The following CDH12 variants were observed in gnomAD, a reference collection of about 807,000 sequenced individuals.
The protein encoded by CDH12 is cadherin 12.
Under a neutral mutation model 74.1 loss-of-function variants are expected in CDH12, and 41 were observed. That is an observed-to-expected ratio of 0.55 (90% CI 0.43 to 0.72). CDH12 has a LOEUF of 0.72. CDH12 is among the 30% of genes least tolerant of loss of function. The pLI, the probability that CDH12 is intolerant of heterozygous loss-of-function variation, is 0.00. For synonymous variants in CDH12, 399 were observed against 355.0 expected (o/e 1.12, Z -1.39); for missense variants, 945 against 977.2 (o/e 0.97, Z 0.44).
chr5:21,842,996 T>C (rs1263896147), intron 7 of CDH12, among the ~76,000 whole-genome samples: 1 of 152,204 alleles, frequency 6.6e-6, no homozygotes, highest in Non-Finnish European at 1.5e-5. Flanking sequence ...ATTAAATTTA[T>C]AAGTGTGAAC....
intron 1 of CDH12, among the ~76,000 whole-genome samples, chr5:22,842,290 T>A (rs770117761): frequency 6.6e-6 from 1 of 152,062 alleles, no homozygotes; most frequent in Non-Finnish European, 1.5e-5. Flanking sequence ...GCTAAAATTA[T>A]ATATGCATAG....
chr5:22,334,062 C>T (rs187931824), intron 3 of CDH12, among the ~76,000 whole-genome samples: 8 of 152,148 alleles, frequency 5.3e-5, no homozygotes, highest in Admixed American at 2.0e-4. Context: ...CTCTTAGATC[C>T]GGAACATGAC....
chr5:22,043,342 A>C (rs189583621), intron 5 of CDH12, among the ~76,000 whole-genome samples: 1 of 152,336 alleles, frequency 6.6e-6, no homozygotes, highest in African/African-American at 2.4e-5. Context: ...AAATGACAAA[A>C]ACCATATGAT....
chr5:22,660,716 C>A lies in CDH12; in HGVS notation c.-522-155352G>T, dbSNP rs552547502. Among the ~76,000 whole-genome samples, 6 of 152,302 alleles carry A rather than the reference C, an allele frequency of 3.9e-5. No individual in the cohort carries two copies. In the East Asian group the frequency reaches 1.2e-3, roughly 29 times the overall value. On this transcript the variant is annotated intron_variant, in intron 1 of 14. Transcript: ENST00000382254. The stretch of plus-strand genomic sequence containing the variant: ...TACAGGCATGAGCCACTGCCTGGCC[C>A]AGGGTTTTATTCATGACTTTAATTT...
intron 1 of CDH12, among the ~76,000 whole-genome samples, chr5:22,570,473 A>G (rs1249142701): frequency 1.3e-5 from 2 of 152,140 alleles, no homozygotes; most frequent in Non-Finnish European, 2.9e-5. Flanking sequence ...TATCTCCCTC[A>G]GAGCTCTTGG....
chr5:22,467,730 A>G lies in CDH12; in HGVS notation c.-428+37540T>C, dbSNP rs559999477. 3.3e-5 allele frequency among the ~76,000 whole-genome samples: 5 copies of G among 152,354 alleles called. No individual in the cohort carries two copies. The South Asian group carries it at 1.0e-3, about 32-fold the overall frequency. On this transcript the variant is annotated intron_variant, in intron 2 of 14. Transcript: ENST00000382254. ...ATATCTAATATTATGTCTAAAGAAC[A>G]TCTAATGACTAAATATAACCAGTCT...
intron 3 of CDH12, among the ~76,000 whole-genome samples, chr5:22,232,863 T>TTA (rs1164062566): frequency 1.4e-3 from 208 of 147,168 alleles, no homozygotes; most frequent in African/African-American, 4.9e-3. Flanking sequence ...ATATATATAT[T>TTA]TATATATATA....
chr5:21,896,572 C>G (rs535915875), intron 6 of CDH12, among the ~76,000 whole-genome samples: 1 of 152,090 alleles, frequency 6.6e-6, no homozygotes, highest in Admixed American at 6.6e-5. Context: ...CTTGAGAGAC[C>G]GAGTGTTGTG....
At chr5:22,298,180 G>A (rs1022153689) in intron 3 of CDH12, among the ~76,000 whole-genome samples, 4 of 150,356 alleles carry the variant, frequency 2.7e-5, no homozygotes, top group South Asian at 2.1e-4. Context: ...TTTTCACTTA[G>A]CACTGGGTGT....
intron 2 of CDH12, among the ~76,000 whole-genome samples, chr5:22,432,676 G>A (rs993394881): frequency 5.9e-5 from 9 of 152,012 alleles, no homozygotes; most frequent in African/African-American, 2.2e-4. Context: ...CTCTTCTGAA[G>A]TTTTTGACAA....
At chr5:22,784,955 A>G (rs931138576) in intron 1 of CDH12, among the ~76,000 whole-genome samples, 12 of 152,178 alleles carry the variant, frequency 7.9e-5, no homozygotes, top group Admixed American at 5.9e-4. Context: ...AAATACATCT[A>G]TTAAGCTTGA....
chr5:22,845,724 G>C (rs779402721), intron 1 of CDH12, among the ~76,000 whole-genome samples: 2 of 152,092 alleles, frequency 1.3e-5, no homozygotes, highest in Non-Finnish European at 2.9e-5. Context: ...CTGGGTGAGC[G>C]CCAAGGCCTT....
intron 6 of CDH12, chr5:21,883,316 C>T: frequency 1.1e-5 from 17 of 1,507,238 alleles, no homozygotes; most frequent in Admixed American, 1.7e-5. Context: ...TCCAGGATGC[C>T]TATGTTCTGT....
chr5:22,417,611 A>G (rs1743454965), intron 2 of CDH12, among the ~76,000 whole-genome samples: 1 of 152,216 alleles, frequency 6.6e-6, no homozygotes, highest in African/African-American at 2.4e-5. Context: ...ATTTTGTTAT[A>G]GTGGCACCAA....
intron 3 of CDH12, among the ~76,000 whole-genome samples, chr5:22,290,530 A>G (rs1225036116): frequency 6.6e-6 from 1 of 152,222 alleles, no homozygotes; most frequent in Non-Finnish European, 1.5e-5. Flanking sequence ...GCGGATCAAC[A>G]GCAGAATTGT....
intron 1 of CDH12, among the ~76,000 whole-genome samples, chr5:22,847,824 A>G (rs1487198098): frequency 1.3e-5 from 2 of 152,012 alleles, no homozygotes; most frequent in Non-Finnish European, 2.9e-5. Context: ...ACTTTAATCC[A>G]TCATTTAATT....
intron 2 of CDH12, among the ~76,000 whole-genome samples, chr5:22,426,135 C>T (rs1274677891): frequency 6.7e-6 from 1 of 149,086 alleles, no homozygotes; most frequent in Non-Finnish European, 1.5e-5. Context: ...TGCAGTGAGC[C>T]GAGATCGCAC....
intron 5 of CDH12, among the ~76,000 whole-genome samples, chr5:22,052,986 G>T (rs4133337): frequency 0.23 from 34,705 of 151,764 alleles, 4,097 homozygotes; most frequent in South Asian, 0.33. Flanking sequence ...GATGCTTAAA[G>T]AAAGTTTTAT....
chr5:22,504,852 G>GTA (rs1370230103), intron 2 of CDH12, among the ~76,000 whole-genome samples: 1 of 151,836 alleles, frequency 6.6e-6, no homozygotes, highest in Admixed American at 6.6e-5. Flanking sequence ...GAAATGAGAC[G>GTA]TATCCAATTT....
Sources: gnomAD v4.1 joint callset for allele counts (sites outside exome capture counted in the v4.1 genomes callset) on GRCh38, gnomAD v4.1.1 for gene constraint, MANE v1.5 for transcripts, NCBI Gene and HGNC (gene_info 2026-07-23, HGNC 2026-07-21) for gene names.